KPNA5: variants seen among roughly 807,000 people sequenced by gnomAD.
KPNA5 encodes karyopherin subunit alpha 5.
KPNA5 carries 46 observed loss-of-function variants against 71.3 expected under a neutral mutation model. That is an observed-to-expected ratio of 0.65 (90% CI 0.51 to 0.83). The LOEUF (loss-of-function observed/expected upper bound fraction) is 0.83, where lower values mean the gene tolerates loss of function less well. Among genes scored for constraint, KPNA5 ranks in the 40% least tolerant of loss-of-function variants. The probability of loss-of-function intolerance (pLI) is 0.00; values close to 1 mark genes in which losing one functional copy is unlikely to be tolerated. For synonymous variants in KPNA5, 207 were observed against 201.4 expected (o/e 1.03, Z -0.24); for missense variants, 547 against 628.3 (o/e 0.87, Z 1.38).
chr6:116,738,045 G>C lies in KPNA5; in HGVS notation c.*5722G>C, dbSNP rs1169993398. On this transcript the variant is annotated 3_prime_UTR_variant, in exon 14 of 14. Coordinates refer to ENST00000368564, the MANE Select transcript of KPNA5 (RefSeq NM_001366306.2). ...CATTCCACAAGTTATTCAGCTCTAA[G>C]TATTTTAAAGTTTATATTATGATTT... The C allele has an allele frequency of 6.6e-6, 1 of 151,840 alleles. No individual in the cohort carries two copies. The highest frequency in any genetic ancestry group is 1.5e-5 in the Non-Finnish European group (1 of 67,932). The allele number at this position is 151,840 out of a possible 1,614,324, so 9.4% of individuals were successfully genotyped here. A position where few individuals can be genotyped will look rare whatever the true frequency, so the allele number is the denominator to read the frequency against.
chr6:116,710,162 T>G (rs926209570), intron 7 of KPNA5, among the ~76,000 whole-genome samples: 2 of 152,218 alleles, frequency 1.3e-5, no homozygotes, highest in East Asian at 3.8e-4. Context: ...ATATGGTTTA[T>G]TATTTTGATT....
intron 8 of KPNA5, among the ~76,000 whole-genome samples, chr6:116,716,567 T>C (rs931519534): frequency 1.3e-5 from 2 of 152,210 alleles, no homozygotes; most frequent in African/African-American, 2.4e-5. Context: ...AAGGAATTGA[T>C]TTCAGAAATC....
In KPNA5 at chr6:116,726,566, A is replaced by G; in HGVS notation, c.1197A>G (p.Lys399=). The change falls in exon 12 of 14, where the codon AAA becomes AAG. Residue 399 remains lysine (K), a synonymous_variant. Coordinates refer to ENST00000368564, the MANE Select transcript of KPNA5 (RefSeq NM_001366306.2). ...ILQKAEFRTR[K]EAAWAITNAT... is the part of the protein sequence containing the mutation. ...AGAAAGCAGAGTTTCGTACCAGAAA[A>G]GAAGCAGCTTGGGCTATAACTAATG... 1 of 1,612,750 alleles carries G rather than the reference A, an allele frequency of 6.2e-7. No homozygotes were observed. Among genetic ancestry groups the G allele is most frequent in the Non-Finnish European group, 8.5e-7 (1 of 1,179,200 alleles).
chr6:116,713,419 C>T (rs993001533), intron 7 of KPNA5, among the ~76,000 whole-genome samples: 11 of 152,076 alleles, frequency 7.2e-5, no homozygotes, highest in African/African-American at 1.7e-4. Flanking sequence ...GATGAGAAAT[C>T]GGCTATTGAT....
Position 116,729,570 on chromosome 6 carries a change from G to T in KPNA5, c.1261G>T (p.Val421Leu). The change falls in exon 13 of 14, where the codon GTA becomes TTA. Residue 421 changes from valine (V) to leucine (L), a missense_variant. By Grantham distance (32) the Val-to-Leu change is conservative. Coordinates refer to ENST00000368564, the MANE Select transcript of KPNA5 (RefSeq NM_001366306.2). ...GGTPEQIRYLVALGCIKPLCD... is the reference protein window; with the variant it reads ...GGTPEQIRYLLALGCIKPLCD... ...TTTTATATTAATCTGAAGGTATTTG[G>T]TAGCTTTAGGCTGCATTAAACCACT... 6.6e-7 allele frequency: 1 copy of T among 1,520,412 alleles called. No individual in the cohort carries two copies. The highest frequency in any genetic ancestry group is 8.8e-7 in the Non-Finnish European group (1 of 1,130,042). The allele number at this position is 1,520,412 out of a possible 1,614,324, so 94.2% of individuals were successfully genotyped here. A position where few individuals can be genotyped will look rare whatever the true frequency, so the allele number is the denominator to read the frequency against.
At chr6:116,726,787 T>C (rs190388407) in intron 12 of KPNA5, among the ~76,000 whole-genome samples, 165 bp downstream of exon 12, 50 of 151,774 alleles carry the variant, frequency 3.3e-4, no homozygotes, top group Middle Eastern at 3.4e-3. Context: ...AATTTTTTTT[T>C]CCCCATTTAA....
At chr6:116,701,344 C>T (rs9489015) in intron 5 of KPNA5, among the ~76,000 whole-genome samples, 3,220 of 152,146 alleles carry the variant, frequency 0.021, 113 homozygotes, top group African/African-American at 0.073. Flanking sequence ...CAGTAATTCA[C>T]TAGTTCATTG....
intron 1 of KPNA5, among the ~76,000 whole-genome samples, chr6:116,682,249 A>G (rs899428338): frequency 3.3e-5 from 5 of 152,210 alleles, no homozygotes; most frequent in Non-Finnish European, 7.3e-5. Context: ...GAACGGTGTG[A>G]ACCCGGGCGG....
rs1227555811 is a variant in KPNA5 at position 116,710,891 on chromosome 6, ATATTTTT to A, written c.657-5326_657-5320del. The stretch of plus-strand genomic sequence containing the variant: ...TATTATTTTATATATATATATATAT[ATATTTTT>A]TTTTTTTTTTTTTTGAGTTGGAGTC... On this transcript the variant is annotated intron_variant, in intron 7 of 13. Transcript: ENST00000368564. Among the ~76,000 whole-genome samples the A allele has an allele frequency of 1.1e-3, 77 of 70,068 alleles. 1 individual carries two copies. The highest frequency in any genetic ancestry group is 6.0e-3 in the African/African-American group (68 of 11,382). The allele number at this position is 70,068 out of a possible 152,430, so 46.0% of individuals were successfully genotyped here.
intron 8 of KPNA5, among the ~76,000 whole-genome samples, chr6:116,718,647 T>C (rs1264097858): frequency 6.6e-6 from 1 of 152,212 alleles, no homozygotes; most frequent in Non-Finnish European, 1.5e-5. Flanking sequence ...TACTTATGTG[T>C]TCCAAACTTA....
intron 7 of KPNA5, among the ~76,000 whole-genome samples, chr6:116,708,931 G>A (rs960104931): frequency 5.3e-5 from 8 of 151,998 alleles, no homozygotes; most frequent in Non-Finnish European, 1.0e-4. Context: ...GATTACAGTC[G>A]TGTACAACCA....
intron 1 of KPNA5, among the ~76,000 whole-genome samples, chr6:116,681,744 G>C (rs182044486): frequency 6.6e-6 from 1 of 152,132 alleles, no homozygotes; most frequent in Non-Finnish European, 1.5e-5. Flanking sequence ...GAAGAGACAG[G>C]TTCCATCCCG....
intron 12 of KPNA5, among the ~76,000 whole-genome samples, chr6:116,729,158 CGTGTGTGTGTGTGTGTGTGT>C (rs150925835): frequency 7.4e-4 from 83 of 112,160 alleles, no homozygotes; most frequent in African/African-American, 2.7e-3. Context: ...ATATGACCTC[CGTGTGTGTGTGTGTGTGTGT>C]GTGTGTGTGT....
intron 1 of KPNA5, among the ~76,000 whole-genome samples, chr6:116,686,836 A>G (rs1241913975): frequency 6.6e-6 from 1 of 152,074 alleles, no homozygotes; most frequent in Non-Finnish European, 1.5e-5. Flanking sequence ...CAAAGATCAG[A>G]TGGTTGTAGG....
At chr6:116,714,028 A>G (rs899948683) in intron 7 of KPNA5, among the ~76,000 whole-genome samples, 2 of 152,116 alleles carry the variant, frequency 1.3e-5, no homozygotes, top group African/African-American at 2.4e-5. Flanking sequence ...AGTAAATCCA[A>G]TGTCTGTGAT....
Position 116,681,236 on chromosome 6 carries a change from A to G in KPNA5, c.-99A>G, listed in dbSNP as rs1777339115. ...ATCTTGGATTGCGAACTGGGTCGCTACGCTTCACGCCAGGGGCGGAGTGGC... is the reference window on the plus strand; with the variant it reads ...ATCTTGGATTGCGAACTGGGTCGCTGCGCTTCACGCCAGGGGCGGAGTGGC... On this transcript the variant is annotated 5_prime_UTR_variant, in exon 1 of 14. Transcript: ENST00000368564. The G allele has an allele frequency of 2.6e-6, 4 of 1,537,334 alleles. No homozygotes were observed. Among genetic ancestry groups the G allele is most frequent in the African/African-American group, 1.4e-5 (1 of 72,292 alleles).
At position 116,702,128 on chromosome 6, in the gene KPNA5, A is replaced by G; in HGVS notation, c.545A>G (p.Glu182Gly). 1 of 1,613,862 alleles carries G rather than the reference A, an allele frequency of 6.2e-7. No homozygotes were observed. The highest frequency in any genetic ancestry group is 8.5e-7 in the Non-Finnish European group (1 of 1,179,926). The change falls in exon 6 of 14, where the codon GAA (glutamate) becomes GGA (glycine). Residue 182 changes from glutamate (E) to glycine (G), a missense_variant. By Grantham distance (98) the Glu-to-Gly change is moderately conservative. Transcript: ENST00000368564. ...ATTTTTATCAAACTTCTTAATTCTGAACATGAAGATGTTCAGGAACAGGTA... is the reference window on the plus strand; with the variant it reads ...ATTTTTATCAAACTTCTTAATTCTGGACATGAAGATGTTCAGGAACAGGTA... ...VPIFIKLLNS[E>G]HEDVQEQAVW...
intron 1 of KPNA5, among the ~76,000 whole-genome samples, chr6:116,682,038 G>A (rs1342831728): frequency 1.3e-5 from 2 of 152,040 alleles, no homozygotes; most frequent in African/African-American, 2.4e-5. Context: ...AGGCGGAGGC[G>A]GGCGGATCAC....
In KPNA5 at chr6:116,712,098, T is replaced by G. The variant is rs890917323; in HGVS notation, c.657-4121T>G. Among the ~76,000 whole-genome samples, 2 of 152,260 alleles carry G rather than the reference T, an allele frequency of 1.3e-5. 1 individual carries two copies. ...CAGGGACCACAGACACGTGCCACCATGCCTAGCTAATTTTTGTATCTTTAG... is the reference window on the plus strand; with the variant it reads ...CAGGGACCACAGACACGTGCCACCAGGCCTAGCTAATTTTTGTATCTTTAG... On this transcript the variant is annotated intron_variant, in intron 7 of 13. Transcript: ENST00000368564.
Sources: gnomAD v4.1 joint callset for allele counts (sites outside exome capture counted in the v4.1 genomes callset) on GRCh38, gnomAD v4.1.1 for gene constraint, MANE v1.5 for transcripts, NCBI Gene and HGNC (gene_info 2026-07-23, HGNC 2026-07-21) for gene names.